The following POLA1 variants were observed in gnomAD, a reference collection of about 807,000 sequenced individuals.
POLA1 encodes the protein DNA polymerase alpha 1, catalytic subunit, also known as DNA polymerase alpha catalytic subunit.
Under a neutral mutation model 124.0 loss-of-function variants are expected in POLA1, and 15 were observed. The observed-to-expected ratio is 0.12, with a 90% CI of 0.08 to 0.19. POLA1 has a LOEUF of 0.19. POLA1 is among the 10% of genes least tolerant of loss of function. The pLI, the probability that POLA1 is intolerant of heterozygous loss-of-function variation, is 1.00. For synonymous variants in POLA1, 408 were observed against 389.4 expected (o/e 1.05, Z -0.56); for missense variants, 886 against 1,103.4 (o/e 0.80, Z 2.79).
At chrX:24,853,808 A>G (rs965934824) in intron 34 of POLA1, among the ~76,000 whole-genome samples, 1 of 111,956 alleles carries the variant, frequency 8.9e-6, no homozygotes, top group Non-Finnish European at 1.9e-5. Context: ...TATTATTTGA[A>G]CAGAGTGGTT....
intron 35 of POLA1, among the ~76,000 whole-genome samples, chrX:24,918,638 A>G (rs987168057): frequency 2.4e-4 from 27 of 112,097 alleles, no homozygotes; most frequent in Admixed American, 1.9e-3. Context: ...TACTATTAAT[A>G]TGAAAGAATA....
At chrX:24,890,934 A>T (rs1047465122) in intron 35 of POLA1, among the ~76,000 whole-genome samples, 9 of 112,206 alleles carry the variant, frequency 8.0e-5, no homozygotes, top group Non-Finnish European at 1.7e-4. Flanking sequence ...TGCTTCATGA[A>T]CTGATGCTGC....
chrX:24,968,471 G>A (rs1038521013), intron 36 of POLA1, among the ~76,000 whole-genome samples: 1 of 111,421 alleles, frequency 9.0e-6, no homozygotes, highest in Non-Finnish European at 1.9e-5. Context: ...AGGCCAAGGC[G>A]GGCGGATCAC....
chrX:24,938,298 C>G (rs1281257929), intron 36 of POLA1, among the ~76,000 whole-genome samples: 3 of 111,544 alleles, frequency 2.7e-5, no homozygotes, highest in Non-Finnish European at 5.7e-5. Flanking sequence ...TGCCTGTAAT[C>G]CCAGCTACTT....
At chrX:24,791,384 TTTG>T (rs1264938691) in intron 26 of POLA1, among the ~76,000 whole-genome samples, 1 of 112,114 alleles carries the variant, frequency 8.9e-6, no homozygotes, top group Non-Finnish European at 1.9e-5. Context: ...CTTGATTGTT[TTTG>T]TTGTTGTTGT....
chrX:24,834,413 C>G (rs2046313887), intron 32 of POLA1, among the ~76,000 whole-genome samples: 1 of 112,016 alleles, frequency 8.9e-6, no homozygotes, highest in Non-Finnish European at 1.9e-5. Context: ...GTGTGAAAGA[C>G]AGTTTTGGTT....
Position 24,956,492 on chromosome X carries a change from A to G in POLA1, c.4261+25943A>G, listed in dbSNP as rs1241254484. On this transcript the variant is annotated intron_variant, in intron 36 of 36. Transcript: ENST00000379068. ...AAGGGCAGCATTCCCAATCTGTTCT[A>G]TGTAATTCTAGTGTCATTAGTATTC... 9.0e-5 allele frequency among the ~76,000 whole-genome samples: 10 copies of G among 110,725 alleles called. No individual in the cohort carries two copies. In the Admixed American group the frequency reaches 9.7e-4, roughly 11 times the overall value.
At chrX:24,971,697 AC>A (rs2048304289) in intron 36 of POLA1, among the ~76,000 whole-genome samples, 1 of 112,165 alleles carries the variant, frequency 8.9e-6, no homozygotes, top group African/African-American at 3.2e-5. Context: ...CATTTAAGCA[AC>A]ATGAGGACTG....
At chrX:24,716,779 A>G in intron 7 of POLA1, 105 bp from the exon 8 acceptor site, 1 of 463,684 alleles carries the variant, frequency 2.2e-6, no homozygotes, top group East Asian at 3.9e-5. Context: ...TAATACATAA[A>G]ATCTTTTTAT....
chrX:24,803,309 G>A (rs953991509), intron 26 of POLA1, among the ~76,000 whole-genome samples: 1 of 111,322 alleles, frequency 9.0e-6, no homozygotes, highest in African/African-American at 3.3e-5. Context: ...CGGCATATGT[G>A]TGTACTCATA....
At chrX:24,849,716 T>C (rs1432312752) in intron 34 of POLA1, among the ~76,000 whole-genome samples, 1 of 107,428 alleles carries the variant, frequency 9.3e-6, no homozygotes, top group African/African-American at 3.4e-5. Context: ...CTGCAAGCTC[T>C]GCCTCCTGGG....
intron 23 of POLA1, among the ~76,000 whole-genome samples, chrX:24,743,595 T>C (rs771047936): frequency 8.9e-6 from 1 of 112,268 alleles, no homozygotes; most frequent in Non-Finnish European, 1.9e-5. Flanking sequence ...TCATGAAATA[T>C]TGTTTTTGAT....
chrX:24,865,039 C>G (rs1049632712), intron 34 of POLA1, among the ~76,000 whole-genome samples: 1 of 111,771 alleles, frequency 8.9e-6, no homozygotes, highest in African/African-American at 3.2e-5. Context: ...GTAGTAAACA[C>G]AACCAATGTT....
intron 6 of POLA1, 39 bp from the exon 7 acceptor site, chrX:24,716,323 C>A: frequency 1.4e-6 from 1 of 717,664 alleles, no homozygotes; most frequent in Non-Finnish European, 2.2e-6. Context: ...CTGTGGTAAA[C>A]CAAGCATGGC....
intron 34 of POLA1, among the ~76,000 whole-genome samples, chrX:24,849,628 A>ATTT (rs34478463): frequency 2.5e-5 from 2 of 79,098 alleles, no homozygotes; most frequent in Non-Finnish European, 4.7e-5. Flanking sequence ...TGCCCAGCTA[A>ATTT]TTTTTTTTTT....
rs774180475 is a variant in POLA1 at position 24,826,774 on chromosome X, A to C, written c.3736+173A>C. On this transcript the variant is annotated intron_variant, in intron 32 of 36. Transcript: ENST00000379068. ...GTACTGTCTCCACTCATAGACTATG[A>C]GCTCCACATACTTGCTACTGTAACC... 3.6e-5 allele frequency among the ~76,000 whole-genome samples: 4 copies of C among 111,894 alleles called. No homozygotes were observed. In the East Asian group the frequency reaches 1.1e-3, roughly 31 times the overall value.
chrX:24,995,799 T>C lies in POLA1; in HGVS notation c.4262-6T>C. Reference sequence around the variant, plus strand: ...AGACTTCTAATCTCTCTCTCTCTCTTTTTAGATAAATTGAAGAAGCAATTT... The same window carrying C: ...AGACTTCTAATCTCTCTCTCTCTCTCTTTAGATAAATTGAAGAAGCAATTT... On this transcript the variant is annotated splice_region_variant and splice_polypyrimidine_tract_variant and intron_variant, in intron 36 of 36. Coordinates refer to ENST00000379068, the MANE Select transcript of POLA1 (RefSeq NM_001330360.2). The C allele has an allele frequency of 8.3e-7, 1 of 1,198,376 alleles. No individual in the cohort carries two copies. Among genetic ancestry groups the C allele is most frequent in the Non-Finnish European group, 1.1e-6 (1 of 884,457 alleles).
At chrX:24,907,699 C>G (rs759000334) in intron 35 of POLA1, among the ~76,000 whole-genome samples, 1 of 111,684 alleles carries the variant, frequency 9.0e-6, no homozygotes, top group Non-Finnish European at 1.9e-5. Flanking sequence ...CATTGCCAGC[C>G]GACCAGCTCT....
At chrX:24,711,116 A>G (rs1418672362) in intron 4 of POLA1, among the ~76,000 whole-genome samples, 2 of 111,036 alleles carry the variant, frequency 1.8e-5, no homozygotes, top group African/African-American at 6.6e-5. Flanking sequence ...CCGAGTAGCC[A>G]GGACTACAGG....
Sources: allele counts gnomAD v4.1 joint callset (sites outside exome capture counted in the v4.1 genomes callset), GRCh38; gene constraint gnomAD v4.1.1; transcripts MANE v1.5; gene names NCBI Gene and HGNC (gene_info 2026-07-23, HGNC 2026-07-21).